MISP: variants seen among roughly 807,000 people sequenced by gnomAD.
MISP encodes the protein mitotic spindle positioning, also known as mitotic interactor and substrate of PLK1.
Under a neutral mutation model 49.3 loss-of-function variants are expected in MISP, and 51 were observed. The observed-to-expected ratio is 1.03, with a 90% CI of 0.83 to 1.31. The LOEUF (loss-of-function observed/expected upper bound fraction) is 1.31, where lower values mean the gene tolerates loss of function less well. MISP is among the 50% of genes most tolerant of loss of function. MISP has a pLI of 0.00. For synonymous variants in MISP, 444 were observed against 392.6 expected, an observed-to-expected ratio of 1.13 and a Z score of -1.55; for missense variants, 1,084 against 935.1, an observed-to-expected ratio of 1.16 and a Z score of -2.08.
upstream of MISP, among the ~76,000 whole-genome samples, chr19:749,806 A>G (rs915999340): frequency 6.6e-6 from 1 of 151,934 alleles, no homozygotes; most frequent in Non-Finnish European, 1.5e-5. Context: ...CCTGGGTGAC[A>G]AGAGCGAGAC....
rs1027483791 is a variant in MISP at position 757,838 on chromosome 19, C to G, written c.892C>G (p.Arg298Gly). The change falls in exon 2 of 5, where the codon CGT becomes GGT. Residue 298 changes from arginine to glycine, a missense_variant. Transcript: ENST00000215582. Reference protein sequence around the residue: ...PKETPIEREIRLAQEREADLR... With the variant: ...PKETPIEREIGLAQEREADLR... ...GGAGACGCCCATCGAGCGGGAGATC[C>G]GTCTGGCTCAGGAGCGTGAGGCAGA... 4 of 1,611,300 alleles carry G rather than the reference C, an allele frequency of 2.5e-6. No homozygotes were observed. Among genetic ancestry groups the G allele is most frequent in the Non-Finnish European group, 3.4e-6 (4 of 1,178,844 alleles).
chr19:757,684 C>T lies in MISP; in HGVS notation c.738C>T (p.Pro246=). The part of the protein sequence containing the change: ...KPHLANGHVV[P]IKPQVKGVVR... Reference sequence around the variant, plus strand: ...ACCTGGCCAACGGGCACGTGGTTCCCATCAAGCCCCAGGTGAAGGGGGTGG... The same window carrying T: ...ACCTGGCCAACGGGCACGTGGTTCCTATCAAGCCCCAGGTGAAGGGGGTGG... The change falls in exon 2 of 5, where the codon CCC becomes CCT. Residue 246 remains proline (P), a synonymous_variant. Transcript: ENST00000215582. 6.2e-7 allele frequency: 1 copy of T among 1,613,782 alleles called. No individual in the cohort carries two copies.
chr19:758,357 T>C lies in MISP; in HGVS notation c.1411T>C (p.Ser471Pro), dbSNP rs776213483. 18 of 1,614,004 alleles carry C rather than the reference T, an allele frequency of 1.1e-5. No homozygotes were observed. The highest frequency in any genetic ancestry group is 1.1e-4 in the South Asian group (10 of 91,086). Reference protein sequence around the residue: ...PKATMSPRHLSESSGKPLSTK... With the variant: ...PKATMSPRHLPESSGKPLSTK... The stretch of plus-strand genomic sequence containing the variant: ...GGCCACGATGTCCCCGAGGCATCTC[T>C]CAGAATCCTCTGGAAAACCCCTGAG... Residue 471 changes from serine (S) to proline (P), a missense_variant, in exon 2 of 5, where the codon TCA (serine) becomes CCA (proline). Ser to Pro is a moderately conservative substitution (Grantham distance 74). Transcript: ENST00000215582.
In MISP at chr19:757,241, G is replaced by T; in HGVS notation, c.295G>T (p.Ala99Ser). The T allele has an allele frequency of 6.2e-7, 1 of 1,613,838 alleles. No homozygotes were observed. Among genetic ancestry groups the T allele is most frequent in the Non-Finnish European group, 8.5e-7 (1 of 1,179,986 alleles). The change falls in exon 2 of 5, where the codon GCC becomes TCC. Residue 99 changes from alanine (A) to serine (S), a missense_variant. Physicochemically the swap from Ala to Ser is moderately conservative, Grantham distance 99. Coordinates refer to ENST00000215582, the MANE Select transcript of MISP (RefSeq NM_173481.4). ...DEGWQVYRLG[A>S]RDAHQGRPTW... ...GGGTTGGCAGGTTTACCGCCTGGGC[G>T]CCAGGGATGCCCACCAGGGACGTCC...
chr19:762,499 C>T (rs560572231), intron 4 of MISP, among the ~76,000 whole-genome samples: 6 of 152,094 alleles, frequency 3.9e-5, no homozygotes, highest in South Asian at 4.2e-4. Context: ...GTAATCCTCC[C>T]GCCTCCACCT....
chr19:758,653 C>G lies in MISP; in HGVS notation c.1707C>G (p.Leu569=). ...TGGCAGAGGAGCGGAGAAATGCTCT[C>G]TTCCCAGAGGTCTTCTCCCCAACGC... ...QEVAEERRNA[L]FPEVFSPTPD... is the part of the protein sequence containing the mutation. The change falls in exon 2 of 5, where the codon CTC becomes CTG. Residue 569 remains leucine (L), a synonymous_variant. Transcript: ENST00000215582. 6.2e-7 allele frequency: 1 copy of G among 1,614,242 alleles called. No homozygotes were observed. The highest frequency in any genetic ancestry group is 8.5e-7 in the Non-Finnish European group (1 of 1,180,050).
At chr19:755,236 C>A (rs1302830137) in intron 1 of MISP, among the ~76,000 whole-genome samples, 2 of 152,176 alleles carry the variant, frequency 1.3e-5, no homozygotes, top group Non-Finnish European at 2.9e-5. Flanking sequence ...GCAACCTGGA[C>A]CCTTGGGAGA....
Position 757,199 on chromosome 19 carries a change from G to C in MISP, c.253G>C (p.Glu85Gln). 6.2e-7 allele frequency: 1 copy of C among 1,613,616 alleles called. No individual in the cohort carries two copies. Among genetic ancestry groups the C allele is most frequent in the Non-Finnish European group, 8.5e-7 (1 of 1,179,978 alleles). Reference sequence around the variant, plus strand: ...GCCGTCCCCACGGGGGCTCCACTCGGAGAACAGGGAGGATGAGGGTTGGCA... The same window carrying C: ...GCCGTCCCCACGGGGGCTCCACTCGCAGAACAGGGAGGATGAGGGTTGGCA... ...GQPSPRGLHS[E>Q]NREDEGWQVY... The change falls in exon 2 of 5, where the codon GAG becomes CAG. Residue 85 changes from glutamate to glutamine, a missense_variant. By Grantham distance (29) the Glu-to-Gln change is conservative (BLOSUM62 2). Coordinates refer to ENST00000215582, the MANE Select transcript of MISP (RefSeq NM_173481.4).
At chr19:763,015 C>T (rs1354481404) in intron 4 of MISP, among the ~76,000 whole-genome samples, 2 of 152,242 alleles carry the variant, frequency 1.3e-5, no homozygotes, top group East Asian at 3.9e-4. Flanking sequence ...ATTGGACAGG[C>T]ACGGTGGCTC....
chr19:759,100 T>C (rs1367013657), intron 2 of MISP, among the ~76,000 whole-genome samples: 1 of 152,118 alleles, frequency 6.6e-6, no homozygotes, highest in Non-Finnish European at 1.5e-5. Context: ...CTCAACTCAC[T>C]GTAACCTCCA....
chr19:759,729 G>T (rs553748631), intron 2 of MISP, among the ~76,000 whole-genome samples, 180 bp from the exon 3 acceptor site: 3 of 152,254 alleles, frequency 2.0e-5, no homozygotes, highest in East Asian at 1.9e-4. Flanking sequence ...TTGCATGTCG[G>T]CCCATCTGTG....
At position 758,282 on chromosome 19, in the gene MISP, A is replaced by G; in HGVS notation, c.1336A>G (p.Lys446Glu). Reference sequence around the variant, plus strand: ...ATTCTCAGCCTTCGGAGCATTCGGCAAGCCCAGCAGTCTCTCCACAGCGGA... The same window carrying G: ...ATTCTCAGCCTTCGGAGCATTCGGCGAGCCCAGCAGTCTCTCCACAGCGGA... ...LEFSAFGAFGKPSSLSTAEAK... is the reference protein window; with the variant it reads ...LEFSAFGAFGEPSSLSTAEAK... The change falls in exon 2 of 5, where the codon AAG becomes GAG. Residue 446 changes from lysine (K) to glutamate (E), a missense_variant. Coordinates refer to ENST00000215582, the MANE Select transcript of MISP (RefSeq NM_173481.4). 1 of 1,613,940 alleles carries G rather than the reference A, an allele frequency of 6.2e-7. No homozygotes were observed. Among genetic ancestry groups the G allele is most frequent in the South Asian group, 1.1e-5 (1 of 91,084 alleles).
At chr19:748,741 T>G (rs191263918), upstream of MISP, among the ~76,000 whole-genome samples, 1 of 152,266 alleles carries the variant, frequency 6.6e-6, no homozygotes, top group African/African-American at 2.4e-5. Context: ...TAGAGACCAG[T>G]GTCATGCTCA....
chr19:753,242 G>C (rs1287767741), intron 1 of MISP, among the ~76,000 whole-genome samples: 4 of 152,144 alleles, frequency 2.6e-5, no homozygotes, highest in African/African-American at 9.7e-5. Flanking sequence ...CCCTATTTTA[G>C]TTTCTGACAT....
At chr19:754,454 C>T (rs2033512493) in intron 1 of MISP, among the ~76,000 whole-genome samples, 1 of 151,972 alleles carries the variant, frequency 6.6e-6, no homozygotes, top group Admixed American at 6.6e-5. Flanking sequence ...CAGAGTGAGA[C>T]TCCGCCTCAA....
Position 758,040 on chromosome 19 carries a change from A to G in MISP, c.1094A>G (p.His365Arg). 1 of 1,567,866 alleles carries G rather than the reference A, an allele frequency of 6.4e-7. No homozygotes were observed. The highest frequency in any genetic ancestry group is 8.6e-7 in the Non-Finnish European group (1 of 1,159,856). Residue 365 changes from histidine to arginine, a missense_variant, in exon 2 of 5, where the codon CAC (histidine) becomes CGC (arginine). Coordinates refer to ENST00000215582, the MANE Select transcript of MISP (RefSeq NM_173481.4). Reference protein sequence around the residue: ...IVQETQREEDHRREGLHVGRA... With the variant: ...IVQETQREEDRRREGLHVGRA... ...CAGGAGACACAGCGTGAGGAAGACC[A>G]CCGGCGGGAGGGCCTGCACGTGGGC...
intron 1 of MISP, among the ~76,000 whole-genome samples, chr19:755,777 C>G (rs7257870): frequency 0.015 from 2,242 of 152,114 alleles, 28 homozygotes; most frequent in Middle Eastern, 0.061. Context: ...ACTAAAAATA[C>G]AAAAAATTAG....
chr19:753,486 C>T (rs1371348947), intron 1 of MISP, among the ~76,000 whole-genome samples: 1 of 148,810 alleles, frequency 6.7e-6, no homozygotes, highest in Admixed American at 6.7e-5. Flanking sequence ...CCCGGGTTCA[C>T]AGCATTCTCC....
chr19:755,818 C>T (rs1369306043), intron 1 of MISP, among the ~76,000 whole-genome samples: 8 of 151,984 alleles, frequency 5.3e-5, no homozygotes, highest in Non-Finnish European at 1.0e-4. Context: ...CCTGTAATCC[C>T]AGCTACTCAG....
Sources: gnomAD v4.1 joint callset for allele counts (sites outside exome capture counted in the v4.1 genomes callset) on GRCh38, gnomAD v4.1.1 for gene constraint, MANE v1.5 for transcripts, NCBI Gene and HGNC (gene_info 2026-07-23, HGNC 2026-07-21) for gene names.